The following ELP3 variants were observed in gnomAD, a reference collection of about 807,000 sequenced individuals.
ELP3 encodes elongator complex protein 3.
A neutral mutation model predicts 74.9 loss-of-function variants in ELP3; 56 were observed. The observed-to-expected ratio is 0.75, with a 90% CI of 0.60 to 0.93. ELP3 has a LOEUF of 0.93. Among genes scored for constraint, ELP3 ranks in the 40% least tolerant of loss-of-function variants. The pLI is 0.00. For missense variants in ELP3, 573 were observed against 686.5 expected (o/e 0.83, Z 1.85); for synonymous variants, 222 against 239.8 (o/e 0.93, Z 0.68).
At chr8:28,145,553 C>T (rs1382536736) in intron 10 of ELP3, among the ~76,000 whole-genome samples, 1 of 152,186 alleles carries the variant, frequency 6.6e-6, no homozygotes, top group Non-Finnish European at 1.5e-5. Context: ...GTGGCAGCTT[C>T]CACCAATTAT....
chr8:28,179,898 G>T (rs1814932719), intron 14 of ELP3, among the ~76,000 whole-genome samples: 3 of 152,124 alleles, frequency 2.0e-5, no homozygotes, highest in Admixed American at 2.0e-4. Flanking sequence ...TCTTCACTAG[G>T]TATAGTATTC....
intron 14 of ELP3, among the ~76,000 whole-genome samples, chr8:28,188,193 G>C (rs905664832): frequency 6.6e-6 from 1 of 152,210 alleles, no homozygotes; most frequent in East Asian, 1.9e-4. Context: ...GGCTGTTTGA[G>C]GAATGCGTCC....
chr8:28,168,127 C>T (rs1043355237), intron 14 of ELP3, among the ~76,000 whole-genome samples: 3 of 152,216 alleles, frequency 2.0e-5, no homozygotes, highest in Non-Finnish European at 4.4e-5. Context: ...GTTTGTAGTA[C>T]ACCGCACATC....
At chr8:28,181,490 T>A (rs1478754884) in intron 14 of ELP3, among the ~76,000 whole-genome samples, 1 of 152,268 alleles carries the variant, frequency 6.6e-6, no homozygotes, top group Non-Finnish European at 1.5e-5. Flanking sequence ...AGTTTCTTAC[T>A]AAGCCATATT....
chr8:28,150,728 T>G (rs1210598107), intron 10 of ELP3, among the ~76,000 whole-genome samples: 1 of 152,212 alleles, frequency 6.6e-6, no homozygotes, highest in African/African-American at 2.4e-5. Context: ...TGGTATTCTC[T>G]GAGCTTCCTG....
At chr8:28,105,165 T>G (rs1465803879) in intron 3 of ELP3, among the ~76,000 whole-genome samples, 4 of 152,034 alleles carry the variant, frequency 2.6e-5, no homozygotes, top group African/African-American at 9.7e-5. Context: ...GTGGATCACC[T>G]GAGGTCAGGA....
chr8:28,185,080 T>C (rs1160994463), intron 14 of ELP3, among the ~76,000 whole-genome samples: 3 of 152,208 alleles, frequency 2.0e-5, no homozygotes, highest in Non-Finnish European at 2.9e-5. Context: ...TGTTTGACAT[T>C]CTCCAAGATA....
At chr8:28,150,883 A>G (rs1813615614) in intron 10 of ELP3, among the ~76,000 whole-genome samples, 1 of 152,012 alleles carries the variant, frequency 6.6e-6, no homozygotes, top group South Asian at 2.1e-4. Flanking sequence ...ACAGGGTCTC[A>G]CTCTTACCCA....
chr8:28,148,368 C>T (rs913317179), intron 10 of ELP3, among the ~76,000 whole-genome samples: 2 of 150,342 alleles, frequency 1.3e-5, no homozygotes, highest in Admixed American at 6.6e-5. Context: ...TGTAGATAGC[C>T]GGCAGACGCA....
chr8:28,128,230 T>C (rs1361333271), intron 7 of ELP3, among the ~76,000 whole-genome samples: 1 of 152,002 alleles, frequency 6.6e-6, no homozygotes, highest in East Asian at 1.9e-4. Context: ...TCCCAGCACT[T>C]TGGGGGGCCG....
chr8:28,163,043 G>A (rs1814165066), intron 14 of ELP3, among the ~76,000 whole-genome samples: 1 of 152,212 alleles, frequency 6.6e-6, no homozygotes, highest in Admixed American at 6.5e-5. Context: ...TTTTGCGGTA[G>A]TGTGTTCTGA....
Position 28,137,734 on chromosome 8 carries a change from C to A in ELP3, c.943C>A (p.Leu315Met). The change falls in exon 10 of 15, where the codon CTG becomes ATG. Residue 315 changes from leucine to methionine, a missense_variant. Physicochemically the swap from Leu to Met is conservative, Grantham distance 15. Coordinates refer to ENST00000256398, the MANE Select transcript of ELP3 (RefSeq NM_018091.6). ...FENPAFRPDG[L>M]KLYPTLVIRG... ...GAACCCTGCTTTTCGTCCCGATGGG[C>A]TGAAACTCTATCCTACCCTGGTGAT... is the stretch of plus-strand genomic sequence containing the variant. 6.2e-7 allele frequency: 1 copy of A among 1,613,468 alleles called. No individual in the cohort carries two copies.
chr8:28,180,771 C>T (rs1814977019), intron 14 of ELP3, among the ~76,000 whole-genome samples: 1 of 152,130 alleles, frequency 6.6e-6, no homozygotes, highest in South Asian at 2.1e-4. Context: ...GATTCCTATC[C>T]CCACCACACC....
intron 10 of ELP3, among the ~76,000 whole-genome samples, chr8:28,154,332 G>A (rs1813748527): frequency 1.3e-5 from 2 of 152,136 alleles, no homozygotes; most frequent in African/African-American, 4.8e-5. Flanking sequence ...CACTAATTCA[G>A]TATTCACAAC....
chr8:28,139,972 A>G (rs952145434), intron 10 of ELP3, among the ~76,000 whole-genome samples: 1 of 152,188 alleles, frequency 6.6e-6, no homozygotes, highest in African/African-American at 2.4e-5. Flanking sequence ...GAGGTGATTT[A>G]AAGTATACAG....
At chr8:28,095,507 C>A (rs1432219883) in intron 1 of ELP3, among the ~76,000 whole-genome samples, 1 of 152,182 alleles carries the variant, frequency 6.6e-6, no homozygotes, top group Non-Finnish European at 1.5e-5. Flanking sequence ...CCCTGAGGCA[C>A]CTTTGTAGAA....
At position 28,169,982 on chromosome 8, in the gene ELP3, C is replaced by G. The variant is rs578205140; in HGVS notation, c.1567+7904C>G. On this transcript the variant is annotated intron_variant, in intron 14 of 14. Transcript: ENST00000256398. ...AGTGGGAGTGATCAGAGAGAGAGAG[C>G]TCATTCAAGATGGCAGCCATAGTAT... Among the ~76,000 whole-genome samples, 11 of 152,232 alleles carry G rather than the reference C, an allele frequency of 7.2e-5. No individual in the cohort carries two copies. The East Asian group carries it at 1.5e-3, about 21-fold the overall frequency.
intron 4 of ELP3, 95 bp from the exon 5 acceptor site, chr8:28,107,818 G>C (rs1356017038): frequency 1.1e-6 from 1 of 900,992 alleles, no homozygotes; most frequent in Admixed American, 2.1e-5. Context: ...AAGCTCATTT[G>C]TTATCAGGAT....
At chr8:28,095,248 C>T (rs1355908978) in intron 1 of ELP3, among the ~76,000 whole-genome samples, 1 of 152,230 alleles carries the variant, frequency 6.6e-6, no homozygotes, top group Non-Finnish European at 1.5e-5. Flanking sequence ...CTCATTTACT[C>T]TTCCAGTTCT....
Sources: allele counts gnomAD v4.1 joint callset (sites outside exome capture counted in the v4.1 genomes callset), GRCh38; gene constraint gnomAD v4.1.1; transcripts MANE v1.5; gene names NCBI Gene and HGNC (gene_info 2026-07-23, HGNC 2026-07-21).